The following CDYL2 variants were observed in gnomAD, a reference collection of about 807,000 sequenced individuals.
CDYL2 encodes chromodomain Y-like protein 2.
CDYL2 carries 23 observed loss-of-function variants against 49.4 expected under a neutral mutation model. The observed-to-expected ratio is 0.47, with a 90% CI of 0.34 to 0.66. The LOEUF (loss-of-function observed/expected upper bound fraction) is 0.66, where lower values mean the gene tolerates loss of function less well. Ranked by LOEUF, CDYL2 falls within the 30% of genes least tolerant of loss-of-function variation. The pLI is 0.01. For synonymous variants in CDYL2, 360 were observed against 268.8 expected, an observed-to-expected ratio of 1.34 and a Z score of -3.32; for missense variants, 678 against 656.4, an observed-to-expected ratio of 1.03 and a Z score of -0.36.
chr16:80,739,529 A>AG (rs1477271656), intron 1 of CDYL2, among the ~76,000 whole-genome samples: 4 of 152,222 alleles, frequency 2.6e-5, no homozygotes, highest in Admixed American at 1.3e-4. Flanking sequence ...ACAAAAGATC[A>AG]GGAGCTAAGC....
intron 2 of CDYL2, among the ~76,000 whole-genome samples, chr16:80,646,353 A>G (rs1042308737): frequency 6.6e-6 from 1 of 152,176 alleles, no homozygotes; most frequent in African/African-American, 2.4e-5. Flanking sequence ...GAAGACAGGA[A>G]TGAAAGAAAG....
At chr16:80,678,019 C>G (rs1052153645) in intron 2 of CDYL2, among the ~76,000 whole-genome samples, 2 of 151,702 alleles carry the variant, frequency 1.3e-5, no homozygotes, top group Admixed American at 1.3e-4. Flanking sequence ...GAAAGGATTC[C>G]CTATTTAATA....
At chr16:80,727,581 T>A (rs1207471325) in intron 1 of CDYL2, among the ~76,000 whole-genome samples, 10 of 152,196 alleles carry the variant, frequency 6.6e-5, no homozygotes, top group Non-Finnish European at 1.0e-4. Context: ...AAGCTCGAAC[T>A]GGGTGGAGCC....
At chr16:80,719,857 C>T (rs1904939821) in intron 1 of CDYL2, among the ~76,000 whole-genome samples, 1 of 152,202 alleles carries the variant, frequency 6.6e-6, no homozygotes, top group African/African-American at 2.4e-5. Context: ...GTACCAAAGA[C>T]ATTGTTGGGA....
chr16:80,664,670 T>G (rs1426577454), intron 2 of CDYL2, among the ~76,000 whole-genome samples: 8 of 152,198 alleles, frequency 5.3e-5, no homozygotes, highest in African/African-American at 1.9e-4. Context: ...TCTTCTGGCC[T>G]CCCAGATAGC....
intron 1 of CDYL2, among the ~76,000 whole-genome samples, chr16:80,694,574 A>T (rs1020436708): frequency 1.3e-5 from 2 of 152,184 alleles, no homozygotes; most frequent in African/African-American, 4.8e-5. Context: ...ATCAGTATAA[A>T]CTCATGTTTA....
intron 6 of CDYL2, among the ~76,000 whole-genome samples, chr16:80,607,821 C>A (rs1054699887): frequency 1.3e-5 from 2 of 152,188 alleles, no homozygotes; most frequent in African/African-American, 4.8e-5. Flanking sequence ...TTAGGACTTT[C>A]TTTGAAAGCA....
chr16:80,702,838 G>A (rs954369036), intron 1 of CDYL2, among the ~76,000 whole-genome samples: 10 of 152,160 alleles, frequency 6.6e-5, no homozygotes, highest in Admixed American at 2.0e-4. Context: ...AGCACTGCAC[G>A]CCAGAAATGT....
chr16:80,619,961 T>G (rs950197209), intron 4 of CDYL2, among the ~76,000 whole-genome samples: 2 of 152,186 alleles, frequency 1.3e-5, no homozygotes, highest in Non-Finnish European at 2.9e-5. Context: ...CCCTGACTTG[T>G]GGCCTGAGGC....
At chr16:80,699,852 T>C (rs1340771176) in intron 1 of CDYL2, among the ~76,000 whole-genome samples, 1 of 152,026 alleles carries the variant, frequency 6.6e-6, no homozygotes, top group Non-Finnish European at 1.5e-5. Flanking sequence ...GGTAAATAAT[T>C]AGAATGACCA....
In CDYL2 at chr16:80,679,715, C is replaced by T. The variant is rs1362967045; in HGVS notation, c.616+4823G>A. ...CTCCAGGTGCAGAGCACAAGCACTT[C>T]AAGTTTCCTCAATACCACCACCTGG... On this transcript the variant is annotated intron_variant, in intron 2 of 6. Transcript: ENST00000570137. 8.8e-6 allele frequency: 4 copies of T among 456,010 alleles called. No individual in the cohort carries two copies. In the East Asian group the frequency reaches 2.1e-4, roughly 24 times the overall value. The allele number at this position is 456,010 out of a possible 1,614,324, so 28.2% of individuals were successfully genotyped here.
At chr16:80,770,044 G>A (rs181851480) in intron 1 of CDYL2, among the ~76,000 whole-genome samples, 13 of 152,122 alleles carry the variant, frequency 8.5e-5, no homozygotes, top group Admixed American at 7.9e-4. Context: ...AGTTAGCAAT[G>A]GTCACTGCAG....
chr16:80,734,559 G>A (rs1905449134), intron 1 of CDYL2, among the ~76,000 whole-genome samples: 1 of 152,090 alleles, frequency 6.6e-6, no homozygotes, highest in African/African-American at 2.4e-5. Flanking sequence ...AGCAGGTTTG[G>A]GAAGGCAGCT....
chr16:80,722,207 GAAAATGAAT>G (rs1231082011), intron 1 of CDYL2, among the ~76,000 whole-genome samples: 2 of 151,926 alleles, frequency 1.3e-5, no homozygotes, highest in Admixed American at 6.6e-5. Flanking sequence ...AAAAAAAGAA[GAAAATGAAT>G]AAAATGAATA....
At chr16:80,633,924 G>A (rs750890688) in intron 2 of CDYL2, among the ~76,000 whole-genome samples, 28 of 152,120 alleles carry the variant, frequency 1.8e-4, no homozygotes, top group Non-Finnish European at 3.5e-4. Flanking sequence ...GATGTATAAC[G>A]GTTCCCAGTC....
intron 4 of CDYL2, among the ~76,000 whole-genome samples, chr16:80,614,868 A>AG (rs1452010625): frequency 8.8e-5 from 10 of 113,266 alleles, no homozygotes; most frequent in African/African-American, 3.7e-4. Flanking sequence ...TGTCTCAGGG[A>AG]GAAAAAAAAA....
chr16:80,701,992 G>C (rs1419278739), intron 1 of CDYL2, among the ~76,000 whole-genome samples: 1 of 152,114 alleles, frequency 6.6e-6, no homozygotes, highest in Non-Finnish European at 1.5e-5. Flanking sequence ...TCATATATTA[G>C]GAGATAAAAT....
In CDYL2 at chr16:80,634,177, T is replaced by G. The variant is rs989962482; in HGVS notation, c.617-941A>C. On this transcript the variant is annotated intron_variant, in intron 2 of 6. Transcript: ENST00000570137. Reference sequence around the variant, plus strand: ...TCACTATTGATCTTATAAATCATGCTACTATAAAGACATATACACATATGT... The same window carrying G: ...TCACTATTGATCTTATAAATCATGCGACTATAAAGACATATACACATATGT... Among the ~76,000 whole-genome samples, 23 of 150,978 alleles carry G rather than the reference T, an allele frequency of 1.5e-4. No individual in the cohort carries two copies. The East Asian group carries it at 1.5e-3, about 10-fold the overall frequency.
At chr16:80,620,688 T>A in intron 4 of CDYL2, 75 bp downstream of exon 4, 1 of 1,367,318 alleles carries the variant, frequency 7.3e-7, no homozygotes, top group Non-Finnish European at 9.7e-7. Flanking sequence ...AATTCGAATT[T>A]AACTGAGCAG....
Sources: gnomAD v4.1 joint callset for allele counts (sites outside exome capture counted in the v4.1 genomes callset) on GRCh38, gnomAD v4.1.1 for gene constraint, MANE v1.5 for transcripts, NCBI Gene and HGNC (gene_info 2026-07-23, HGNC 2026-07-21) for gene names.